CDH12: variants seen among roughly 807,000 people sequenced by gnomAD.
CDH12 encodes the protein cadherin 12.
Under a neutral mutation model 74.1 loss-of-function variants are expected in CDH12, and 41 were observed. That is an observed-to-expected ratio of 0.55 (90% CI 0.43 to 0.72). The LOEUF (loss-of-function observed/expected upper bound fraction) is 0.72. Ranked by LOEUF, CDH12 falls within the 30% of genes least tolerant of loss-of-function variation. The pLI is 0.00. For synonymous variants in CDH12, 399 were observed against 355.0 expected (o/e 1.12, Z -1.39); for missense variants, 945 against 977.2 (o/e 0.97, Z 0.44).
At chr5:22,199,963 C>T (rs1203769913) in intron 4 of CDH12, among the ~76,000 whole-genome samples, 1 of 152,138 alleles carries the variant, frequency 6.6e-6, no homozygotes, top group African/African-American at 2.4e-5. Flanking sequence ...CCCAGATGAC[C>T]CAAACTGTGT....
At chr5:22,698,859 G>T (rs546829232) in intron 1 of CDH12, among the ~76,000 whole-genome samples, 1 of 150,678 alleles carries the variant, frequency 6.6e-6, no homozygotes, top group East Asian at 2.0e-4. Context: ...ATGCTTTATG[G>T]TGGGAAAATG....
intron 3 of CDH12, among the ~76,000 whole-genome samples, chr5:22,313,033 A>G (rs1738457854): frequency 6.6e-6 from 1 of 152,172 alleles, no homozygotes; most frequent in South Asian, 2.1e-4. Flanking sequence ...GCACGTTATC[A>G]GCATCCTAGG....
At chr5:22,835,044 A>G (rs555303783) in intron 1 of CDH12, among the ~76,000 whole-genome samples, 1 of 152,292 alleles carries the variant, frequency 6.6e-6, no homozygotes, top group South Asian at 2.1e-4. Context: ...CTAATCTTGT[A>G]ATAAATTTGC....
rs940496958 is a variant in CDH12, at chr5:21,762,466, G to A, written c.1516-1791C>T. On this transcript the variant is annotated intron_variant, in intron 12 of 14. Coordinates refer to ENST00000382254, the MANE Select transcript of CDH12 (RefSeq NM_004061.5). ...ATGCATAGTTCTTAGACTAGGGGCA[G>A]AATGGCAGGGCTCAAAAACAGAACA... Among the ~76,000 whole-genome samples, 6 of 152,190 alleles carry A rather than the reference G, an allele frequency of 3.9e-5. No individual in the cohort carries two copies. In the South Asian group the frequency reaches 1.2e-3, roughly 32 times the overall value.
intron 3 of CDH12, among the ~76,000 whole-genome samples, chr5:22,391,534 T>C (rs1742248616): frequency 6.6e-6 from 1 of 152,192 alleles, no homozygotes; most frequent in Non-Finnish European, 1.5e-5. Flanking sequence ...AGAATTTCTC[T>C]TTTTTGCCTA....
Position 22,518,279 on chromosome 5 carries a change from C to T in CDH12, c.-522-12915G>A, listed in dbSNP as rs1220687791. 3.9e-5 allele frequency among the ~76,000 whole-genome samples: 6 copies of T among 152,298 alleles called. No individual in the cohort carries two copies. The East Asian group carries it at 1.2e-3, about 29-fold the overall frequency. On this transcript the variant is annotated intron_variant, in intron 1 of 14. Coordinates refer to ENST00000382254, the MANE Select transcript of CDH12 (RefSeq NM_004061.5). ...TCATTTACTGTCAAATGTCTCATTCCTGAATAATTTTATGTGTTTCTCCAC... is the reference window on the plus strand; with the variant it reads ...TCATTTACTGTCAAATGTCTCATTCTTGAATAATTTTATGTGTTTCTCCAC...
intron 1 of CDH12, among the ~76,000 whole-genome samples, chr5:22,768,781 G>T (rs1340014554): frequency 4.0e-5 from 6 of 151,754 alleles, no homozygotes; most frequent in Non-Finnish European, 1.5e-5. Flanking sequence ...AAATTATCTA[G>T]GTATAAACTA....
At chr5:22,574,660 T>C (rs1325385768) in intron 1 of CDH12, among the ~76,000 whole-genome samples, 1 of 152,144 alleles carries the variant, frequency 6.6e-6, no homozygotes, top group Non-Finnish European at 1.5e-5. Flanking sequence ...TTAAAAAGCC[T>C]CTATCTTAGG....
At chr5:22,621,264 G>C (rs1737957820) in intron 1 of CDH12, among the ~76,000 whole-genome samples, 1 of 152,100 alleles carries the variant, frequency 6.6e-6, no homozygotes, top group Admixed American at 6.6e-5. Context: ...TCCAGCACGA[G>C]TTCTGTAAGC....
chr5:22,486,486 T>G lies in CDH12; in HGVS notation c.-428+18784A>C, dbSNP rs935969485. On this transcript the variant is annotated intron_variant, in intron 2 of 14. Transcript: ENST00000382254. Reference sequence around the variant, plus strand: ...TTTTTTTTGAGACAGAGTTTCCCTCTTGTTGCCCAGGCTGGAGTTCAATGA... The same window carrying G: ...TTTTTTTTGAGACAGAGTTTCCCTCGTGTTGCCCAGGCTGGAGTTCAATGA... Among the ~76,000 whole-genome samples the G allele has an allele frequency of 1.1e-4, 16 of 150,468 alleles. No individual in the cohort carries two copies. In the East Asian group the frequency reaches 3.0e-3, roughly 28 times the overall value.
intron 4 of CDH12, among the ~76,000 whole-genome samples, chr5:22,103,222 A>G (rs538352150): frequency 6.6e-6 from 1 of 152,294 alleles, no homozygotes; most frequent in East Asian, 1.9e-4. Context: ...CAACCTTTCT[A>G]TTTTTAAAAT....
rs201440033 is a variant in CDH12 at position 22,099,731 on chromosome 5, T to A, written c.-186-20869A>T. Among the ~76,000 whole-genome samples the A allele has an allele frequency of 2.3e-4, 35 of 152,336 alleles. No individual in the cohort carries two copies. The East Asian group carries it at 6.8e-3, about 29-fold the overall frequency. On this transcript the variant is annotated intron_variant, in intron 4 of 14. Transcript: ENST00000382254. Reference sequence around the variant, plus strand: ...CCCCCAAACTGCCACTCTTAACTCTTGAAGTAAATAAATAATCTTTGCTGG... The same window carrying A: ...CCCCCAAACTGCCACTCTTAACTCTAGAAGTAAATAAATAATCTTTGCTGG...
intron 5 of CDH12, among the ~76,000 whole-genome samples, chr5:22,005,143 C>G (rs187110728): frequency 6.2e-4 from 95 of 152,198 alleles, no homozygotes; most frequent in African/African-American, 2.1e-3. Context: ...TGGGTTCCAG[C>G]GATTCTCCTG....
At chr5:22,498,901 C>CTTTTTTTTTTTT (rs34550762) in intron 2 of CDH12, among the ~76,000 whole-genome samples, 90 of 73,424 alleles carry the variant, frequency 1.2e-3, no homozygotes, top group Non-Finnish European at 1.5e-3. Context: ...TTTTCTGTTT[C>CTTTTTTTTTTTT]TTTTTTTTTT....
intron 1 of CDH12, among the ~76,000 whole-genome samples, chr5:22,836,153 A>G (rs1389590381): frequency 6.6e-6 from 1 of 151,428 alleles, no homozygotes; most frequent in East Asian, 1.9e-4. Context: ...GCCTACTCTA[A>G]AAAGAAATAA....
chr5:22,791,306 A>G (rs1581003797), intron 1 of CDH12, among the ~76,000 whole-genome samples: 1 of 152,320 alleles, frequency 6.6e-6, no homozygotes, highest in South Asian at 2.1e-4. Context: ...GCCACCAATT[A>G]AAAGATTCTT....
At chr5:22,186,212 A>C (rs1185331052) in intron 4 of CDH12, among the ~76,000 whole-genome samples, 3 of 152,212 alleles carry the variant, frequency 2.0e-5, no homozygotes, top group Admixed American at 6.5e-5. Context: ...AGTCAATTTG[A>C]AACACACATA....
chr5:22,519,537 C>G (rs908067154), intron 1 of CDH12, among the ~76,000 whole-genome samples: 7 of 151,672 alleles, frequency 4.6e-5, no homozygotes, highest in Non-Finnish European at 1.0e-4. Context: ...CATTCTCCTG[C>G]CTCAGCCTCC....
At chr5:21,978,527 T>A (rs1045948536) in intron 5 of CDH12, among the ~76,000 whole-genome samples, 2 of 152,290 alleles carry the variant, frequency 1.3e-5, no homozygotes, top group East Asian at 3.9e-4. Context: ...TACTGCACAT[T>A]TATATTGATG....
Sources: allele counts gnomAD v4.1 joint callset (sites outside exome capture counted in the v4.1 genomes callset), GRCh38; gene constraint gnomAD v4.1.1; transcripts MANE v1.5; gene names NCBI Gene and HGNC (gene_info 2026-07-23, HGNC 2026-07-21).